Variants in RNF220 observed in about 807,000 individuals in gnomAD.
RNF220 encodes ring finger protein 220.
RNF220 carries 7 observed loss-of-function variants against 67.1 expected under a neutral mutation model. That is an observed-to-expected ratio of 0.10 (90% confidence interval 0.06 to 0.20). RNF220 has a LOEUF of 0.20. RNF220 is among the 10% of genes least tolerant of loss of function. The pLI, the probability that RNF220 is intolerant of heterozygous loss-of-function variation, is 1.00. For missense variants in RNF220, 565 were observed against 740.3 expected (o/e 0.76, Z 2.75); for synonymous variants, 270 against 283.2 (o/e 0.95, Z 0.47).
chr1:44,615,548 G>A (rs1201547012), intron 3 of RNF220, among the ~76,000 whole-genome samples: 1 of 152,026 alleles, frequency 6.6e-6, no homozygotes, highest in African/African-American at 2.4e-5. Flanking sequence ...CCTTCTTACC[G>A]AATCCCCATG....
At chr1:44,475,760 T>A (rs918627490) in intron 2 of RNF220, among the ~76,000 whole-genome samples, 14 of 144,788 alleles carry the variant, frequency 9.7e-5, no homozygotes, top group African/African-American at 4.0e-4. Context: ...ACACCTGTAA[T>A]CCCAGCACTT....
At position 44,621,862 on chromosome 1, in the gene RNF220, G is replaced by A. The variant is rs890522670; in HGVS notation, c.759-880G>A. ...ATGTGAATGGGCTGTGTCTGCCTCC[G>A]TGCATTCATCAGCCAGCACTTCTGT... On this transcript the variant is annotated intron_variant, in intron 3 of 14. Transcript: ENST00000361799. This position sits in a 1 kb window ranked among gnomAD's most constrained non-coding sequence, Gnocchi z 4.8. 3.9e-5 allele frequency among the ~76,000 whole-genome samples: 6 copies of A among 152,292 alleles called. No individual in the cohort carries two copies. The highest frequency in any genetic ancestry group is 2.1e-4 in the South Asian group (1 of 4,830).
intron 2 of RNF220, among the ~76,000 whole-genome samples, chr1:44,479,643 G>A (rs987745996): frequency 9.2e-5 from 14 of 152,248 alleles, no homozygotes; most frequent in African/African-American, 3.4e-4. Flanking sequence ...GACTTCACCT[G>A]GAAACAGTAT....
chr1:44,492,941 A>G (rs1456996788), intron 2 of RNF220, among the ~76,000 whole-genome samples: 4 of 150,058 alleles, frequency 2.7e-5, no homozygotes, highest in African/African-American at 9.8e-5. Flanking sequence ...TTTTTTATAT[A>G]TGGATGAGGT....
At chr1:44,502,056 C>CACAG (rs1368545582) in intron 2 of RNF220, among the ~76,000 whole-genome samples, 1 of 29,036 alleles carries the variant, frequency 3.4e-5, no homozygotes, top group Non-Finnish European at 6.9e-5. Flanking sequence ...CACTGAAACA[C>CACAG]ACACACACAC....
At chr1:44,528,440 A>G in intron 2 of RNF220, among the ~76,000 whole-genome samples, 1 of 151,976 alleles carries the variant, frequency 6.6e-6, no homozygotes, top group Non-Finnish European at 1.5e-5. Context: ...AGCTGGGACT[A>G]CAGGCACACG....
chr1:44,580,646 G>T (rs1665206210), intron 2 of RNF220, among the ~76,000 whole-genome samples: 1 of 152,202 alleles, frequency 6.6e-6, no homozygotes, highest in Non-Finnish European at 1.5e-5. Flanking sequence ...GAGGTGTTTG[G>T]GCAGGCCACC....
intron 2 of RNF220, among the ~76,000 whole-genome samples, chr1:44,467,047 C>A (rs1476937884): frequency 6.6e-6 from 1 of 152,208 alleles, no homozygotes; most frequent in Non-Finnish European, 1.5e-5. Flanking sequence ...ATTGAAAACA[C>A]ATTGTTTAGT....
intron 2 of RNF220, among the ~76,000 whole-genome samples, chr1:44,509,881 T>A: frequency 8.5e-5 from 2 of 23,566 alleles, no homozygotes; most frequent in Admixed American, 6.5e-4. Context: ...AGCGAGACCC[T>A]GTCCAAAAAA....
chr1:44,480,809 G>T (rs1055781155), intron 2 of RNF220, among the ~76,000 whole-genome samples: 18 of 151,940 alleles, frequency 1.2e-4, no homozygotes, highest in Non-Finnish European at 1.9e-4. Context: ...TTGCTGGAAC[G>T]TGGGAGGCAG....
chr1:44,534,841 A>G (rs1212865895), intron 2 of RNF220, among the ~76,000 whole-genome samples: 2 of 152,240 alleles, frequency 1.3e-5, no homozygotes, highest in African/African-American at 2.4e-5. Flanking sequence ...GTCATTTGTT[A>G]TCTGATACGG....
intron 2 of RNF220, among the ~76,000 whole-genome samples, chr1:44,516,229 A>G (rs879915627): frequency 6.6e-6 from 1 of 152,246 alleles, no homozygotes; most frequent in Non-Finnish European, 1.5e-5. Context: ...CTTTAAAGGA[A>G]TTCATAGTCT....
intron 2 of RNF220, among the ~76,000 whole-genome samples, chr1:44,496,902 G>A (rs1400618147): frequency 2.0e-5 from 3 of 152,188 alleles, no homozygotes; most frequent in Non-Finnish European, 2.9e-5. Context: ...GAGAGCTGCG[G>A]GCGGCACCTC....
At chr1:44,523,487 G>C (rs1037262571) in intron 2 of RNF220, among the ~76,000 whole-genome samples, 3 of 152,228 alleles carry the variant, frequency 2.0e-5, no homozygotes, top group African/African-American at 7.2e-5. Context: ...ACTTGGTCCC[G>C]CGCTTCCTGA....
intron 2 of RNF220, among the ~76,000 whole-genome samples, chr1:44,424,645 C>T (rs978359307): frequency 3.9e-5 from 6 of 152,224 alleles, no homozygotes; most frequent in Non-Finnish European, 8.8e-5. Context: ...GTACCTTCCT[C>T]ATCCAGTCTC....
Position 44,557,397 on chromosome 1 carries a change from AAGAG to A in RNF220, c.626-56761_626-56758del, listed in dbSNP as rs950223041. On this transcript the variant is annotated intron_variant, in intron 2 of 14. Coordinates refer to ENST00000361799, the MANE Select transcript of RNF220 (RefSeq NM_018150.4). ...GAAGAAAAAGAAAGAGAAGGAAAGA[AAGAG>A]AGAGAGGAAGGAAGGAAGGAGGGAG... Among the ~76,000 whole-genome samples, 3 of 150,412 alleles carry A rather than the reference AAGAG, an allele frequency of 2.0e-5. 1 individual carries two copies. Among genetic ancestry groups the A allele is most frequent in the Middle Eastern group, 6.9e-3 (2 of 290 alleles).
At chr1:44,531,453 G>A (rs1225474743) in intron 2 of RNF220, among the ~76,000 whole-genome samples, 3 of 152,122 alleles carry the variant, frequency 2.0e-5, no homozygotes, top group Non-Finnish European at 2.9e-5. Context: ...CAAGCATTTA[G>A]TTGCTCTCTC....
At chr1:44,619,966 G>C (rs1407859457) in intron 3 of RNF220, among the ~76,000 whole-genome samples, 1 of 152,206 alleles carries the variant, frequency 6.6e-6, no homozygotes, top group Non-Finnish European at 1.5e-5. Context: ...AAGATCCAGA[G>C]GAGTGGATCG....
At chr1:44,578,948 G>C (rs1190450662) in intron 2 of RNF220, among the ~76,000 whole-genome samples, 1 of 151,916 alleles carries the variant, frequency 6.6e-6, no homozygotes, top group Non-Finnish European at 1.5e-5. Flanking sequence ...GGTGGATCAC[G>C]AGGTCAGGAG....
Sources: gnomAD v4.1 joint callset for allele counts (sites outside exome capture counted in the v4.1 genomes callset) on GRCh38, gnomAD v4.1.1 for gene constraint, Gnocchi (gnomAD v3.1) non-coding constraint, MANE v1.5 for transcripts, NCBI Gene and HGNC (gene_info 2026-07-23, HGNC 2026-07-21) for gene names.